The following MEGF9 variants were observed in gnomAD, a reference collection of about 807,000 sequenced individuals.
MEGF9 encodes multiple EGF like domains 9, also known as multiple epidermal growth factor-like domains protein 9.
Under a neutral mutation model 46.8 loss-of-function variants are expected in MEGF9, and 6 were observed. The ratio of observed to expected loss-of-function variants is 0.13; its 90% CI spans 0.07 to 0.25. MEGF9 has a LOEUF of 0.25. Among genes scored for constraint, MEGF9 ranks in the 10% least tolerant of loss-of-function variants. MEGF9 has a pLI of 1.00. For missense variants in MEGF9, 683 were observed against 792.4 expected, an observed-to-expected ratio of 0.86 and a Z score of 1.66; for synonymous variants, 302 against 330.7, an observed-to-expected ratio of 0.91 and a Z score of 0.94.
chr9:120,619,897 A>C (rs2043490561), intron 3 of MEGF9, among the ~76,000 whole-genome samples: 1 of 152,226 alleles, frequency 6.6e-6, no homozygotes, highest in African/African-American at 2.4e-5. Context: ...AGAGGGGGTG[A>C]AAATAGGACT....
chr9:120,690,072 T>C, intron 1 of MEGF9: 1 of 466,762 alleles, frequency 2.1e-6, no homozygotes, highest in Non-Finnish European at 4.5e-6. Flanking sequence ...AAAGAAGGAG[T>C]TCACGCTGGG....
At chr9:120,684,189 G>A (rs906883083) in intron 1 of MEGF9, among the ~76,000 whole-genome samples, 2 of 152,076 alleles carry the variant, frequency 1.3e-5, no homozygotes, top group African/African-American at 4.8e-5. Context: ...CCTGAATTTG[G>A]GCAGAGTCAC....
Position 120,640,222 on chromosome 9 carries a change from C to A in MEGF9, c.804-17467G>T, listed in dbSNP as rs375429935. On this transcript the variant is annotated intron_variant, in intron 2 of 5. Transcript: ENST00000373930. ...TACCACTTCAGCCACAATGACTTTG[C>A]TGTTGCTCAAATACATCAGGCATCT... Among the ~76,000 whole-genome samples, 12 of 152,312 alleles carry A rather than the reference C, an allele frequency of 7.9e-5. 1 individual carries two copies. In the East Asian group the frequency reaches 1.5e-3, roughly 20 times the overall value.
intron 1 of MEGF9, among the ~76,000 whole-genome samples, chr9:120,672,548 GA>G (rs1286972124): frequency 6.6e-6 from 1 of 152,168 alleles, no homozygotes; most frequent in African/African-American, 2.4e-5. Flanking sequence ...TTGAGCCCAG[GA>G]GGTCAAGGCA....
intron 1 of MEGF9, among the ~76,000 whole-genome samples, chr9:120,697,363 G>A (rs561752908): frequency 1.7e-4 from 26 of 151,682 alleles, no homozygotes; most frequent in Admixed American, 5.2e-4. Context: ...GATTACAGGC[G>A]TGAGCTACCG....
chr9:120,713,039 G>GT (rs1490245598), intron 1 of MEGF9, among the ~76,000 whole-genome samples: 2 of 152,170 alleles, frequency 1.3e-5, no homozygotes, highest in South Asian at 4.1e-4. Flanking sequence ...CTTAAATGGT[G>GT]TATTTGGCCA....
intron 1 of MEGF9, among the ~76,000 whole-genome samples, chr9:120,692,689 T>C (rs1037253199): frequency 1.3e-5 from 2 of 152,138 alleles, no homozygotes; most frequent in East Asian, 3.8e-4. Context: ...TTTCCTCCCC[T>C]ACTCGAGCCA....
intron 1 of MEGF9, among the ~76,000 whole-genome samples, chr9:120,703,873 T>G (rs1481224910): frequency 6.6e-6 from 1 of 151,940 alleles, no homozygotes; most frequent in Admixed American, 6.6e-5. Context: ...CTTGGGAGGC[T>G]GAGGCAGGAG....
intron 2 of MEGF9, 32 bp from the exon 3 acceptor site, chr9:120,622,787 G>A: frequency 6.2e-7 from 1 of 1,609,086 alleles, no homozygotes; most frequent in Non-Finnish European, 8.5e-7. Flanking sequence ...ATGAATAAAA[G>A]TAAATCAATT....
chr9:120,612,925 CTTTTT>C (rs58019064), intron 3 of MEGF9, among the ~76,000 whole-genome samples: 4 of 135,170 alleles, frequency 3.0e-5, no homozygotes, highest in Admixed American at 7.3e-5. Context: ...ATGCACAAAT[CTTTTT>C]TTTTTTTTTT....
intron 2 of MEGF9, among the ~76,000 whole-genome samples, chr9:120,656,357 C>T (rs796901762): frequency 3.9e-5 from 6 of 151,946 alleles, no homozygotes; most frequent in African/African-American, 1.4e-4. Flanking sequence ...ACCATCCTGG[C>T]TAACACGGTG....
At chr9:120,697,985 G>A (rs1459177932) in intron 1 of MEGF9, among the ~76,000 whole-genome samples, 1 of 152,100 alleles carries the variant, frequency 6.6e-6, no homozygotes, top group Non-Finnish European at 1.5e-5. Flanking sequence ...AGGAAAAAAG[G>A]GGCACAGATT....
rs1222980665 is a variant in MEGF9 at position 120,605,256 on chromosome 9, A to G, written c.1743T>C (p.Asp581=). The stretch of plus-strand genomic sequence containing the variant: ...GCCCATTGGGAGCCACTTCATTGCC[A>G]TCATCTTCCAACAATCCCGAAACAT... ...NADVSGLLED[D]GNEVAPNGQL... is the part of the protein sequence containing the mutation. The change falls in exon 6 of 6, where the codon GAT becomes GAC. Residue 581 remains aspartate (D), a synonymous_variant. Transcript: ENST00000373930. This position sits in a 1 kb window ranked among gnomAD's most constrained non-coding sequence, Gnocchi z 4.0. The G allele has an allele frequency of 3.1e-6, 5 of 1,613,910 alleles. No homozygotes were observed. The highest frequency in any genetic ancestry group is 4.2e-6 in the Non-Finnish European group (5 of 1,179,904).
At chr9:120,700,372 A>G (rs2043898551) in intron 1 of MEGF9, among the ~76,000 whole-genome samples, 1 of 152,228 alleles carries the variant, frequency 6.6e-6, no homozygotes, top group African/African-American at 2.4e-5. Context: ...TACACCAACA[A>G]TTCAGTATAA....
chr9:120,706,685 A>G (rs2043930576), intron 1 of MEGF9, among the ~76,000 whole-genome samples: 1 of 152,048 alleles, frequency 6.6e-6, no homozygotes, highest in African/African-American at 2.4e-5. Flanking sequence ...AAATACAAAA[A>G]CTAGCTAGGC....
intron 2 of MEGF9, among the ~76,000 whole-genome samples, chr9:120,635,227 C>G (rs930492781): frequency 2.0e-5 from 3 of 152,104 alleles, no homozygotes; most frequent in Admixed American, 1.3e-4. Context: ...ACACTTTTCT[C>G]TTGTTGTGTT....
intron 2 of MEGF9, among the ~76,000 whole-genome samples, chr9:120,630,726 A>T (rs1444708799): frequency 2.0e-5 from 3 of 152,150 alleles, no homozygotes; most frequent in Non-Finnish European, 4.4e-5. Flanking sequence ...ATGACATCTC[A>T]TTGTAGTTTT....
At chr9:120,640,490 G>C (rs530003331) in intron 2 of MEGF9, among the ~76,000 whole-genome samples, 60 of 151,712 alleles carry the variant, frequency 4.0e-4, no homozygotes, top group African/African-American at 1.4e-3. Context: ...GAATCAGGGG[G>C]GTTTTATGTG....
rs375532572 is a variant in MEGF9, at chr9:120,605,183, T to C, written c.*7A>G. The C allele has an allele frequency of 1.9e-5, 31 of 1,607,826 alleles. No individual in the cohort carries two copies. In the African/African-American group the frequency reaches 3.7e-4, roughly 19 times the overall value. On this transcript the variant is annotated 3_prime_UTR_variant, in exon 6 of 6. Coordinates refer to ENST00000373930, the MANE Select transcript of MEGF9 (RefSeq NM_001080497.3). The surrounding 1 kb of genome is among the most constrained non-coding windows in gnomAD (Gnocchi z 4.0). ...GTGGTTTAACAATTCAGAACAGTTC[T>C]AGCTCCTTAGGCTTTGTAGTTATGT...
Sources: gnomAD v4.1 joint callset for allele counts (sites outside exome capture counted in the v4.1 genomes callset) on GRCh38, gnomAD v4.1.1 for gene constraint, Gnocchi (gnomAD v3.1) non-coding constraint, MANE v1.5 for transcripts, NCBI Gene and HGNC (gene_info 2026-07-23, HGNC 2026-07-21) for gene names.